The following PMS1 variants were observed in gnomAD, a reference collection of about 807,000 sequenced individuals.
PMS1 encodes PMS1 homolog 1, mismatch repair system component, also known as PMS1 protein homolog 1.
In PMS1, 79 loss-of-function variants were observed where a neutral mutation model predicts 93.1. That is an observed-to-expected ratio of 0.85 (90% CI 0.71 to 1.02). The LOEUF is 1.02. Among genes scored for constraint, PMS1 ranks in the 50% least tolerant of loss-of-function variants. PMS1 has a pLI of 0.00. For synonymous variants in PMS1, 335 were observed against 363.4 expected (o/e 0.92, Z 0.89); for missense variants, 1,064 against 1,085.3 (o/e 0.98, Z 0.28).
At chr2:189,817,213 T>A (rs2051389245) in intron 4 of PMS1, among the ~76,000 whole-genome samples, 1 of 152,214 alleles carries the variant, frequency 6.6e-6, no homozygotes, top group African/African-American at 2.4e-5. Flanking sequence ...TGAGAAGCAC[T>A]ACACTATAAA....
chr2:189,836,004 T>G (rs2053355845), intron 5 of PMS1, among the ~76,000 whole-genome samples: 1 of 152,144 alleles, frequency 6.6e-6, no homozygotes, highest in African/African-American at 2.4e-5. Flanking sequence ...GCCTACAATT[T>G]GCAAGAATTT....
chr2:189,831,149 C>T (rs2052896367), intron 5 of PMS1, among the ~76,000 whole-genome samples: 1 of 152,072 alleles, frequency 6.6e-6, no homozygotes, highest in African/African-American at 2.4e-5. Context: ...GGCAGGAGAG[C>T]ACATTTAGAG....
chr2:189,869,326 C>T (rs1234642320), intron 11 of PMS1, among the ~76,000 whole-genome samples: 2 of 152,190 alleles, frequency 1.3e-5, no homozygotes, highest in African/African-American at 2.4e-5. Flanking sequence ...CCATTAGCCC[C>T]CTTTAGCAGG....
intron 4 of PMS1, among the ~76,000 whole-genome samples, chr2:189,815,715 T>C (rs2051239411): frequency 6.6e-6 from 1 of 152,210 alleles, no homozygotes; most frequent in Non-Finnish European, 1.5e-5. Flanking sequence ...CTAATACAGT[T>C]ACTGATAACA....
rs1262040507 is a variant in PMS1, at chr2:189,822,776, TGTTG to T, written c.582+4600_582+4603del. Among the ~76,000 whole-genome samples the T allele has an allele frequency of 2.6e-5, 4 of 152,340 alleles. No homozygotes were observed. In the East Asian group the frequency reaches 7.7e-4, roughly 29 times the overall value. ...TTACCCTTGAATGTCTACCACAAAA[TGTTG>T]GTTTCTATAAAAAGTTTGGATATAC... On this transcript the variant is annotated intron_variant, in intron 5 of 12. Coordinates refer to ENST00000441310, the MANE Select transcript of PMS1 (RefSeq NM_000534.5).
At position 189,809,447 on chromosome 2, in the gene PMS1, C is replaced by CTTTTTTTTTTTTTTTTTTTTTTT. The variant is rs972672920; in HGVS notation, c.418+3698_418+3720dup. On this transcript the variant is annotated intron_variant, in intron 4 of 12. Transcript: ENST00000441310. ...TTGGTGCTTTTAAGGAAGCACATTT[C>CTTTTTTTTTTTTTTTTTTTTTTT]TTTTTTTTTTTTTTTTTTTTTTTTT... 3.6e-4 allele frequency among the ~76,000 whole-genome samples: 23 copies of CTTTTTTTTTTTTTTTTTTTTTTT among 63,458 alleles called. 2 individuals carry two copies. The highest frequency in any genetic ancestry group is 6.1e-4 in the African/African-American group (11 of 18,120). 41.6% of individuals were successfully genotyped at this position (63,458 alleles called of 152,430 possible).
At chr2:189,832,667 G>T (rs2053056323) in intron 5 of PMS1, among the ~76,000 whole-genome samples, 3 of 151,964 alleles carry the variant, frequency 2.0e-5, no homozygotes, top group African/African-American at 7.3e-5. Context: ...GGGTTTCACT[G>T]TATTAACCAG....
Position 189,875,391 on chromosome 2 carries a change from C to T in PMS1, c.2634+1735C>T, listed in dbSNP as rs117770380. On this transcript the variant is annotated intron_variant, in intron 12 of 12. Coordinates refer to ENST00000441310, the MANE Select transcript of PMS1 (RefSeq NM_000534.5). ...AACCCACATATATGAAAAGTTGGCC[C>T]TCCGTATATATGGATTTCGCATCCC... is the stretch of plus-strand genomic sequence containing the variant. 2.4e-3 allele frequency among the ~76,000 whole-genome samples: 359 copies of T among 151,944 alleles called. 8 individuals carry two copies. The East Asian group carries it at 0.06, about 26-fold the overall frequency.
At chr2:189,834,871 A>G (rs1267188622) in intron 5 of PMS1, among the ~76,000 whole-genome samples, 1 of 152,142 alleles carries the variant, frequency 6.6e-6, no homozygotes, top group Non-Finnish European at 1.5e-5. Flanking sequence ...CAAGGAACAC[A>G]GGTGCATGCC....
chr2:189,867,297 C>A (rs903414091), intron 10 of PMS1, among the ~76,000 whole-genome samples: 5 of 152,182 alleles, frequency 3.3e-5, no homozygotes, highest in Admixed American at 3.3e-4. Context: ...ATTTCATATA[C>A]CACCTTTGGC....
intron 6 of PMS1, among the ~76,000 whole-genome samples, chr2:189,850,938 G>C (rs548138285): frequency 1.3e-5 from 2 of 152,302 alleles, no homozygotes; most frequent in South Asian, 4.1e-4. Context: ...AGCAATTAGG[G>C]AGGAGAGGTA....
At chr2:189,821,388 G>C (rs2051854711) in intron 5 of PMS1, among the ~76,000 whole-genome samples, 1 of 151,820 alleles carries the variant, frequency 6.6e-6, no homozygotes, top group Admixed American at 6.6e-5. Context: ...CCGGGAAGCA[G>C]GGAGGTTGCC....
chr2:189,815,119 T>C (rs1465194951), intron 4 of PMS1, among the ~76,000 whole-genome samples: 1 of 149,326 alleles, frequency 6.7e-6, no homozygotes, highest in South Asian at 2.1e-4. Flanking sequence ...AAAAAAGATA[T>C]GATACTCAAG....
intron 5 of PMS1, among the ~76,000 whole-genome samples, chr2:189,818,493 T>A (rs957752372): frequency 6.6e-6 from 1 of 152,204 alleles, no homozygotes; most frequent in Non-Finnish European, 1.5e-5. Context: ...AGTCATCTGG[T>A]ACCTTGATCT....
At position 189,854,084 on chromosome 2, in the gene PMS1, T is replaced by C; in HGVS notation, c.966+2T>C. The C allele has an allele frequency of 6.3e-7, 1 of 1,577,102 alleles. No homozygotes were observed. The highest frequency in any genetic ancestry group is 8.7e-7 in the Non-Finnish European group (1 of 1,154,824). On this transcript the variant is annotated splice_donor_variant, in intron 8 of 12. Coordinates refer to ENST00000441310, the MANE Select transcript of PMS1 (RefSeq NM_000534.5). LOFTEE classifies it high-confidence loss of function. ...AGCCAAGTATTATTACAAAATAAGG[T>C]AACTCTTTTCAGATAATTTTTTCTT...
intron 11 of PMS1, among the ~76,000 whole-genome samples, chr2:189,871,558 G>A (rs1486324399): frequency 2.6e-5 from 4 of 152,136 alleles, no homozygotes; most frequent in Admixed American, 2.6e-4. Context: ...TTCACTCTGC[G>A]TATTTCTATC....
chr2:189,798,201 G>A (rs1057383912), intron 3 of PMS1, among the ~76,000 whole-genome samples: 10 of 152,130 alleles, frequency 6.6e-5, no homozygotes, highest in South Asian at 2.1e-4. Context: ...TATCACTTCC[G>A]CGCCACTGTA....
At chr2:189,789,807 C>T (rs1418594358) in intron 1 of PMS1, among the ~76,000 whole-genome samples, 1 of 152,128 alleles carries the variant, frequency 6.6e-6, no homozygotes, top group African/African-American at 2.4e-5. Flanking sequence ...CCCCAGCCCC[C>T]ATTTTTTTTG....
chr2:189,839,181 G>A (rs938182382), intron 5 of PMS1, among the ~76,000 whole-genome samples: 1 of 151,986 alleles, frequency 6.6e-6, no homozygotes, highest in African/African-American at 2.4e-5. Flanking sequence ...TAGTAGAGAT[G>A]GGGTTTCACC....
Sources: allele counts gnomAD v4.1 joint callset (sites outside exome capture counted in the v4.1 genomes callset), GRCh38; gene constraint gnomAD v4.1.1; transcripts MANE v1.5; gene names NCBI Gene and HGNC (gene_info 2026-07-23, HGNC 2026-07-21).